The following NAV3 variants were observed in gnomAD, a reference collection of about 807,000 sequenced individuals.
NAV3 encodes the protein neuron navigator 3.
Under a neutral mutation model 244.7 loss-of-function variants are expected in NAV3, and 87 were observed. The observed-to-expected ratio is 0.36, with a 90% CI of 0.30 to 0.42. NAV3 has a LOEUF of 0.42. NAV3 is among the 20% of genes least tolerant of loss of function. The pLI is 1.00. For synonymous variants in NAV3, 1,126 were observed against 1,042.2 expected, an observed-to-expected ratio of 1.08 and a Z score of -1.55; for missense variants, 2,663 against 2,893.3, an observed-to-expected ratio of 0.92 and a Z score of 1.83.
chr12:78,044,525 A>G (rs904766274), intron 9 of NAV3, among the ~76,000 whole-genome samples: 7 of 152,182 alleles, frequency 4.6e-5, no homozygotes, highest in African/African-American at 1.7e-4. Flanking sequence ...TTTGGGCAGT[A>G]TGACCATTTT....
chr12:77,926,479 C>T (rs201093358), intron 1 of NAV3, among the ~76,000 whole-genome samples: 1 of 141,304 alleles, frequency 7.1e-6, no homozygotes, highest in Non-Finnish European at 1.6e-5. Flanking sequence ...TACATACATA[C>T]ATAGATAGAT....
intron 1 of NAV3, among the ~76,000 whole-genome samples, chr12:77,893,003 C>T (rs1421172742): frequency 6.6e-6 from 1 of 152,092 alleles, no homozygotes; most frequent in Non-Finnish European, 1.5e-5. Context: ...CCTTCTGTGC[C>T]ATTGAGTGAC....
At chr12:78,021,696 T>C in intron 8 of NAV3, 51 bp from the exon 9 acceptor site, 1 of 1,220,082 alleles carries the variant, frequency 8.2e-7, no homozygotes. Flanking sequence ...CTTTGATGAG[T>C]GACTAGTGAC....
intron 2 of NAV3, among the ~76,000 whole-genome samples, chr12:77,726,066 G>A (rs1267130669): frequency 2.4e-5 from 2 of 82,396 alleles, no homozygotes; most frequent in Non-Finnish European, 3.8e-5. Flanking sequence ...CAACCGATTA[G>A]CAATCTTAAT....
intron 12 of NAV3, among the ~76,000 whole-genome samples, chr12:78,087,824 C>G (rs1467955444): frequency 1.3e-5 from 2 of 151,776 alleles, no homozygotes; most frequent in African/African-American, 4.8e-5. Context: ...GTCCCAGTTT[C>G]ACAGATAAAT....
chr12:77,657,471 T>A (rs1049809773), intron 2 of NAV3, among the ~76,000 whole-genome samples: 1 of 152,146 alleles, frequency 6.6e-6, no homozygotes, highest in Non-Finnish European at 1.5e-5. Context: ...ATCAATAGCT[T>A]ACCCACCAAA....
intron 9 of NAV3, among the ~76,000 whole-genome samples, chr12:78,030,335 C>G (rs1039834866): frequency 5.9e-5 from 9 of 152,132 alleles, no homozygotes; most frequent in Non-Finnish European, 1.3e-4. Context: ...GCTAGTGAAA[C>G]CACAAAGCAC....
intron 3 of NAV3, among the ~76,000 whole-genome samples, chr12:77,960,163 G>C (rs1891755455): frequency 6.6e-6 from 1 of 151,898 alleles, no homozygotes; most frequent in African/African-American, 2.4e-5. Flanking sequence ...TCAGAGGAGA[G>C]GCTTAGGATG....
chr12:78,085,544 C>T (rs145146465), intron 12 of NAV3, among the ~76,000 whole-genome samples: 98 of 152,226 alleles, frequency 6.4e-4, no homozygotes, highest in African/African-American at 2.2e-3. Context: ...TGGCAATTCA[C>T]ACTAGTTTCT....
chr12:77,918,647 G>A (rs1244153786), intron 1 of NAV3, among the ~76,000 whole-genome samples: 1 of 152,044 alleles, frequency 6.6e-6, no homozygotes, highest in East Asian at 1.9e-4. Flanking sequence ...TTTCTGGGGG[G>A]TGATATGGCT....
intron 2 of NAV3, among the ~76,000 whole-genome samples, chr12:77,746,114 A>G (rs1868529330): frequency 6.6e-6 from 1 of 152,036 alleles, no homozygotes; most frequent in African/African-American, 2.4e-5. Flanking sequence ...GAAAAAAAAA[A>G]TCTCTAGTAT....
At chr12:77,701,375 T>G (rs563781580) in intron 2 of NAV3, among the ~76,000 whole-genome samples, 1 of 151,944 alleles carries the variant, frequency 6.6e-6, no homozygotes. Context: ...CATGAACATA[T>G]TTGGCAGTGT....
chr12:77,988,763 C>T (rs1452016069), intron 5 of NAV3, among the ~76,000 whole-genome samples: 1 of 152,066 alleles, frequency 6.6e-6, no homozygotes, highest in Non-Finnish European at 1.5e-5. Flanking sequence ...TTATTTTCCC[C>T]CATTGCCTGA....
intron 3 of NAV3, among the ~76,000 whole-genome samples, chr12:77,957,971 A>T (rs1891527494): frequency 6.6e-6 from 1 of 152,126 alleles, no homozygotes; most frequent in Non-Finnish European, 1.5e-5. Flanking sequence ...TGCCAATATC[A>T]GTGTTTCTAA....
chr12:78,031,386 G>T (rs142732489), intron 9 of NAV3, among the ~76,000 whole-genome samples: 1 of 152,172 alleles, frequency 6.6e-6, no homozygotes, highest in East Asian at 1.9e-4. Context: ...ATTGATATAA[G>T]TGGAGCCAAT....
intron 2 of NAV3, among the ~76,000 whole-genome samples, chr12:77,592,494 C>T (rs1185493448): frequency 6.6e-6 from 1 of 152,156 alleles, no homozygotes; most frequent in Non-Finnish European, 1.5e-5. Flanking sequence ...AAGTAGCTCC[C>T]TGCCCTTTAC....
At chr12:77,949,509 A>G (rs1565949317) in intron 3 of NAV3, among the ~76,000 whole-genome samples, 1 of 151,254 alleles carries the variant, frequency 6.6e-6, no homozygotes, top group East Asian at 1.9e-4. Context: ...CTCCTCCTCC[A>G]CTTCCTCCCC....
At chr12:77,584,134 G>A (rs1186125419) in intron 2 of NAV3, among the ~76,000 whole-genome samples, 1 of 152,112 alleles carries the variant, frequency 6.6e-6, no homozygotes, top group Non-Finnish European at 1.5e-5. Flanking sequence ...AAGAATGATT[G>A]TTTGTATTTT....
intron 8 of NAV3, among the ~76,000 whole-genome samples, chr12:78,016,669 C>T (rs1346307380): frequency 6.6e-6 from 1 of 152,098 alleles, no homozygotes; most frequent in African/African-American, 2.4e-5. Context: ...AATTACAATA[C>T]CATTAGTTAA....
Sources: allele counts gnomAD v4.1 joint callset (sites outside exome capture counted in the v4.1 genomes callset), GRCh38; gene constraint gnomAD v4.1.1; transcripts MANE v1.5; gene names NCBI Gene and HGNC (gene_info 2026-07-23, HGNC 2026-07-21).